Variants in IL31RA observed in about 807,000 individuals in gnomAD.
The protein encoded by IL31RA is interleukin 31 receptor A.
In IL31RA, 66 loss-of-function variants were observed where a neutral mutation model predicts 83.7. The observed-to-expected ratio is 0.79, with a 90% CI of 0.65 to 0.97. The LOEUF is 0.97. IL31RA is among the 50% of genes least tolerant of loss of function. The probability of loss-of-function intolerance (pLI) is 0.00; values close to 1 mark genes in which losing one functional copy is unlikely to be tolerated. For synonymous variants in IL31RA, 325 were observed against 329.0 expected (o/e 0.99, Z 0.13); for missense variants, 798 against 919.4 (o/e 0.87, Z 1.71).
intron 7 of IL31RA, among the ~76,000 whole-genome samples, chr5:55,899,143 TC>T (rs1273051047): frequency 6.6e-6 from 1 of 152,140 alleles, no homozygotes; most frequent in Non-Finnish European, 1.5e-5. Flanking sequence ...TAAAGGAAAT[TC>T]CTGAACTGGG....
rs1749996707 is a variant in IL31RA at position 55,919,784 on chromosome 5, G to A, written c.*2664G>A. The stretch of plus-strand genomic sequence containing the variant: ...TCCTGAGCAGGTTCACAGGATGTGA[G>A]CCTCAGAGTTCAGGGCGCAGGTGAC... On this transcript the variant is annotated 3_prime_UTR_variant, in exon 15 of 15. Coordinates refer to ENST00000652347, the MANE Select transcript of IL31RA (RefSeq NM_139017.7). 6.6e-6 allele frequency among the ~76,000 whole-genome samples: 1 copy of A among 152,162 alleles called. No individual in the cohort carries two copies. Among genetic ancestry groups the A allele is most frequent in the Non-Finnish European group, 1.5e-5 (1 of 68,036 alleles).
intron 2 of IL31RA, 92 bp downstream of exon 2, chr5:55,859,691 G>A (rs976904615): frequency 3.3e-6 from 3 of 899,188 alleles, no homozygotes; most frequent in Admixed American, 1.7e-5. Flanking sequence ...CCTGGATTAT[G>A]GACATCCACA....
At chr5:55,847,237 A>AT (rs1262603599), upstream of IL31RA, among the ~76,000 whole-genome samples, 8,083 of 30,058 alleles carry the variant, frequency 0.27, 703 homozygotes, top group African/African-American at 0.45. Context: ...AAAAAAAAAA[A>AT]AAAATAAAAA....
Position 55,917,101 on chromosome 5 carries a change from A to G in IL31RA, c.2276A>G (p.His759Arg). The change falls in exon 15 of 15, where the codon CAC (histidine) becomes CGC (arginine). Residue 759 changes from histidine to arginine, a missense_variant. His to Arg is a conservative substitution (Grantham distance 29, BLOSUM62 0). Transcript: ENST00000652347. Reference protein sequence around the residue: ...EFLVSEKLPEHTKGEV With the variant: ...EFLVSEKLPERTKGEV ...CTTGTGTCTGAAAAACTTCCAGAGC[A>G]CACCAAGGGAGAAGTCTAAATGCGA... 1 of 1,614,182 alleles carries G rather than the reference A, an allele frequency of 6.2e-7. No homozygotes were observed. Among genetic ancestry groups the G allele is most frequent in the South Asian group, 1.1e-5 (1 of 91,078 alleles).
At position 55,918,564 on chromosome 5, in the gene IL31RA, A is replaced by G. The variant is rs1006280410; in HGVS notation, c.*1444A>G. The stretch of plus-strand genomic sequence containing the variant: ...TGGCTCTGAGTGCCGAGGATGTTCA[A>G]TGGCGCAGCGTGCATGGGGCAGAGT... On this transcript the variant is annotated 3_prime_UTR_variant, in exon 15 of 15. Coordinates refer to ENST00000652347, the MANE Select transcript of IL31RA (RefSeq NM_139017.7). Among the ~76,000 whole-genome samples, 20 of 152,076 alleles carry G rather than the reference A, an allele frequency of 1.3e-4. No homozygotes were observed. The highest frequency in any genetic ancestry group is 4.3e-4 in the African/African-American group (18 of 41,388).
intron 5 of IL31RA, among the ~76,000 whole-genome samples, chr5:55,883,894 C>G (rs1048470750): frequency 6.6e-6 from 1 of 152,198 alleles, no homozygotes; most frequent in Non-Finnish European, 1.5e-5. Flanking sequence ...TGTTTGGCTT[C>G]TATCTCTCAA....
chr5:55,892,956 T>C (rs1179928547), intron 6 of IL31RA, among the ~76,000 whole-genome samples: 1 of 152,228 alleles, frequency 6.6e-6, no homozygotes, highest in Non-Finnish European at 1.5e-5. Context: ...CCCCAGCCAA[T>C]CCTCATTTCT....
intron 11 of IL31RA, chr5:55,908,881 T>C: frequency 1.5e-6 from 2 of 1,311,164 alleles, no homozygotes; most frequent in South Asian, 4.9e-5. Context: ...AATTTTTTCT[T>C]ATGGTAAAAT....
chr5:55,857,666 T>G (rs1294580693), intron 1 of IL31RA, among the ~76,000 whole-genome samples: 1 of 152,216 alleles, frequency 6.6e-6, no homozygotes, highest in Non-Finnish European at 1.5e-5. Context: ...TTAACCCATT[T>G]CTGTTCAAAC....
intron 1 of IL31RA, among the ~76,000 whole-genome samples, chr5:55,857,425 A>G (rs1052012501): frequency 2.0e-5 from 3 of 152,118 alleles, no homozygotes; most frequent in South Asian, 2.1e-4. Flanking sequence ...TTTACCAGCA[A>G]GCAGTCCTTT....
chr5:55,907,996 T>C (rs1244526438), intron 10 of IL31RA, among the ~76,000 whole-genome samples: 1 of 152,176 alleles, frequency 6.6e-6, no homozygotes, highest in Non-Finnish European at 1.5e-5. Context: ...ACTTTACAGA[T>C]ATGAATGAAA....
chr5:55,894,510 T>C (rs1748212947), intron 6 of IL31RA, among the ~76,000 whole-genome samples: 1 of 152,228 alleles, frequency 6.6e-6, no homozygotes, highest in Admixed American at 6.5e-5. Flanking sequence ...AATATCCTTA[T>C]AAGCAATTCT....
intron 1 of IL31RA, among the ~76,000 whole-genome samples, chr5:55,858,415 CA>C (rs1273919394): frequency 6.6e-6 from 1 of 152,106 alleles, no homozygotes; most frequent in Non-Finnish European, 1.5e-5. Flanking sequence ...TTTTTAAAGA[CA>C]CCTTTTTTCT....
chr5:55,917,338 C>T lies in IL31RA; in HGVS notation c.*218C>T, dbSNP rs1336237708. 4.9e-6 allele frequency: 7 copies of T among 1,426,856 alleles called. No homozygotes were observed. Among genetic ancestry groups the T allele is most frequent in the Non-Finnish European group, 5.5e-6 (6 of 1,093,608 alleles). The allele number at this position is 1,426,856 out of a possible 1,614,324, so 88.4% of individuals were successfully genotyped here. The stretch of plus-strand genomic sequence containing the variant: ...GATAAGCCCGAGTTTTGTAAAGGAA[C>T]AGCAGTCTCTTTTCGTTTGTTCAGA... On this transcript the variant is annotated 3_prime_UTR_variant, in exon 15 of 15. Transcript: ENST00000652347.
Position 55,918,481 on chromosome 5 carries a change from C to A in IL31RA, c.*1361C>A, listed in dbSNP as rs746507376. Among the ~76,000 whole-genome samples the A allele has an allele frequency of 6.6e-6, 1 of 152,130 alleles. No individual in the cohort carries two copies. Among genetic ancestry groups the A allele is most frequent in the Non-Finnish European group, 1.5e-5 (1 of 68,024 alleles). On this transcript the variant is annotated 3_prime_UTR_variant, in exon 15 of 15. Coordinates refer to ENST00000652347, the MANE Select transcript of IL31RA (RefSeq NM_139017.7). ...CCCAGTATGATGATTTCTGAGTTGC[C>A]GTAGGTTTGTGACTCAGTCACATTT...
rs772405395 is a variant in IL31RA at position 55,917,172 on chromosome 5, A to G, written c.*52A>G. 14 of 1,612,264 alleles carry G rather than the reference A, an allele frequency of 8.7e-6. No homozygotes were observed. Among genetic ancestry groups the G allele is most frequent in the Admixed American group, 1.7e-5 (1 of 60,002 alleles). Reference sequence around the variant, plus strand: ...GGCCTCAGTGTGGATGGCCCTTGCCAGAGAAGATGTCAAGACTCGGCACGC... The same window carrying G: ...GGCCTCAGTGTGGATGGCCCTTGCCGGAGAAGATGTCAAGACTCGGCACGC... On this transcript the variant is annotated 3_prime_UTR_variant, in exon 15 of 15. Coordinates refer to ENST00000652347, the MANE Select transcript of IL31RA (RefSeq NM_139017.7).
At position 55,883,112 on chromosome 5, in the gene IL31RA, G is replaced by C; in HGVS notation, c.523G>C (p.Glu175Gln). 6.2e-7 allele frequency: 1 copy of C among 1,614,014 alleles called. No homozygotes were observed. The highest frequency in any genetic ancestry group is 8.5e-7 in the Non-Finnish European group (1 of 1,179,904). The change falls in exon 5 of 15, where the codon GAA (glutamate) becomes CAA (glutamine). Residue 175 changes from glutamate (E) to glutamine (Q), a missense_variant. Transcript: ENST00000652347. ...GGGCATCAAACGAATGATTCAAATT[G>C]AATGGATAAAGCCTGAGTTGGCGCC... ...VLGIKRMIQI[E>Q]WIKPELAPVS...
intron 4 of IL31RA, among the ~76,000 whole-genome samples, chr5:55,881,063 G>A (rs1198971009): frequency 6.6e-6 from 1 of 152,138 alleles, no homozygotes; most frequent in Admixed American, 6.5e-5. Context: ...AGCACTTTGG[G>A]AGCCTGAGGC....
rs1253575549 is a variant in IL31RA, at chr5:55,922,057, G to GC, written c.*4937_*4938insC. On this transcript the variant is annotated 3_prime_UTR_variant, in exon 15 of 15. Coordinates refer to ENST00000652347, the MANE Select transcript of IL31RA (RefSeq NM_139017.7). ...GTCTTGCACTCTTATGTTGTGGCGG[G>GC]GGGGGGGGGCGGTTCCTGAAGAGTG... 7.3e-5 allele frequency among the ~76,000 whole-genome samples: 4 copies of GC among 54,816 alleles called. No homozygotes were observed. Among genetic ancestry groups the GC allele is most frequent in the Admixed American group, 2.7e-4 (2 of 7,404 alleles). The allele number at this position is 54,816 out of a possible 152,430, so 36.0% of individuals were successfully genotyped here.
Sources: gnomAD v4.1 joint callset for allele counts (sites outside exome capture counted in the v4.1 genomes callset) on GRCh38, gnomAD v4.1.1 for gene constraint, MANE v1.5 for transcripts, NCBI Gene and HGNC (gene_info 2026-07-23, HGNC 2026-07-21) for gene names.